Variants in FGF14 observed in about 807,000 individuals in gnomAD.
FGF14 encodes the protein fibroblast growth factor homologous factor 4.
In FGF14, 5 loss-of-function variants were observed where a neutral mutation model predicts 25.5. The observed-to-expected ratio is 0.20, with a 90% confidence interval of 0.10 to 0.41. The LOEUF (loss-of-function observed/expected upper bound fraction) is 0.41. Among genes scored for constraint, FGF14 ranks in the 10% least tolerant of loss-of-function variants. FGF14 has a pLI of 1.00. For missense variants in FGF14, 222 were observed against 320.1 expected (o/e 0.69, Z 2.34); for synonymous variants, 138 against 118.3 (o/e 1.17, Z -1.08).
rs942434139 is a variant in FGF14 at position 101,860,246 on chromosome 13, C to A, written c.408+8479G>T. Among the ~76,000 whole-genome samples, 50 of 152,080 alleles carry A rather than the reference C, an allele frequency of 3.3e-4. 1 individual carries two copies. Among genetic ancestry groups the A allele is most frequent in the Admixed American group, 3.3e-3 (50 of 15,252 alleles). On this transcript the variant is annotated intron_variant, in intron 3 of 4. Transcript: ENST00000376143. ...GTCTCAGCAGAAGTCTTGTCTTTCT[C>A]TATACCATCTTGGTGCTCGAGGAGA...
intron 1 of FGF14, among the ~76,000 whole-genome samples, chr13:101,909,522 C>T (rs1333708227): frequency 6.6e-6 from 1 of 152,118 alleles, no homozygotes; most frequent in African/African-American, 2.4e-5. Context: ...CAGAGAAATG[C>T]AAATCAAAAC....
At chr13:102,203,152 CTTTGT>C (rs2049744914) in intron 1 of FGF14, among the ~76,000 whole-genome samples, 1 of 152,096 alleles carries the variant, frequency 6.6e-6, no homozygotes, top group African/African-American at 2.4e-5. Flanking sequence ...ATGTGTTTTC[CTTTGT>C]TTTGATAGCA....
chr13:102,249,262 G>A (rs747965654), intron 1 of FGF14, among the ~76,000 whole-genome samples: 2 of 152,100 alleles, frequency 1.3e-5, no homozygotes, highest in South Asian at 2.1e-4. Context: ...GGAGACACAC[G>A]GAGCAAGAAC....
At chr13:101,850,929 A>G (rs1280743487) in intron 3 of FGF14, among the ~76,000 whole-genome samples, 1 of 151,868 alleles carries the variant, frequency 6.6e-6, no homozygotes, top group South Asian at 2.1e-4. Context: ...AAGGTGTTAC[A>G]TATCATTTAT....
chr13:101,999,320 GAGACTGGGT>G (rs1436417234), intron 1 of FGF14, among the ~76,000 whole-genome samples: 1 of 152,198 alleles, frequency 6.6e-6, no homozygotes, highest in East Asian at 1.9e-4. Flanking sequence ...GCAATGTGTA[GAGACTGGGT>G]TAAAGACCAG....
intron 1 of FGF14, among the ~76,000 whole-genome samples, chr13:102,015,370 G>T (rs1453842832): frequency 6.6e-6 from 1 of 152,040 alleles, no homozygotes; most frequent in Non-Finnish European, 1.5e-5. Context: ...ATTGTCACAG[G>T]CTCTACACTT....
intron 1 of FGF14, among the ~76,000 whole-genome samples, chr13:102,312,008 T>C (rs910692434): frequency 1.3e-5 from 2 of 152,180 alleles, no homozygotes; most frequent in African/African-American, 4.8e-5. Flanking sequence ...ACATTTTAAT[T>C]TGGGAACCAA....
chr13:101,729,198 T>G (rs1377011892), intron 3 of FGF14, among the ~76,000 whole-genome samples: 2 of 152,124 alleles, frequency 1.3e-5, no homozygotes, highest in African/African-American at 2.4e-5. Flanking sequence ...CTTGTGATAG[T>G]GGAGACTGGT....
At chr13:101,727,514 C>G (rs1204701560) in intron 3 of FGF14, among the ~76,000 whole-genome samples, 1 of 152,092 alleles carries the variant, frequency 6.6e-6, no homozygotes, top group South Asian at 2.1e-4. Flanking sequence ...TTTTGGAAAG[C>G]ATACAGTTTG....
At chr13:101,835,763 C>G (rs1042256162) in intron 3 of FGF14, among the ~76,000 whole-genome samples, 1 of 151,994 alleles carries the variant, frequency 6.6e-6, no homozygotes, top group African/African-American at 2.4e-5. Flanking sequence ...CTACCCACTC[C>G]TGCCATCATG....
intron 1 of FGF14, among the ~76,000 whole-genome samples, chr13:102,177,714 A>G (rs888722440): frequency 1.1e-4 from 16 of 151,982 alleles, no homozygotes; most frequent in Admixed American, 9.8e-4. Flanking sequence ...TCCTGTATTC[A>G]TCCAAAGGGA....
chr13:102,092,055 G>C (rs2044189118), intron 1 of FGF14, among the ~76,000 whole-genome samples: 1 of 152,150 alleles, frequency 6.6e-6, no homozygotes, highest in African/African-American at 2.4e-5. Flanking sequence ...GACTGATGTG[G>C]GGATGACACA....
intron 1 of FGF14, among the ~76,000 whole-genome samples, chr13:102,382,684 G>A (rs2058212028): frequency 6.6e-6 from 1 of 151,998 alleles, no homozygotes; most frequent in Non-Finnish European, 1.5e-5. Flanking sequence ...GTTCATAGCT[G>A]CATTATTTAT....
Position 102,119,487 on chromosome 13 carries a change from C to T in FGF14, c.209-244191G>A, listed in dbSNP as rs951257317. Among the ~76,000 whole-genome samples, 37 of 151,958 alleles carry T rather than the reference C, an allele frequency of 2.4e-4. 1 individual carries two copies. Among genetic ancestry groups the T allele is most frequent in the African/African-American group, 7.0e-4 (29 of 41,348 alleles). On this transcript the variant is annotated intron_variant, in intron 1 of 4. Coordinates refer to the FGF14 transcript ENST00000376131. ...ATCTGAATATGAACAGAATACTAAA[C>T]GAGGCTAAGAAAGTATTTTTTAATA...
At chr13:102,392,587 T>C (rs1197862255) in intron 1 of FGF14, among the ~76,000 whole-genome samples, 1 of 152,136 alleles carries the variant, frequency 6.6e-6, no homozygotes, top group Admixed American at 6.5e-5. Flanking sequence ...GGCCCCTCAA[T>C]ATAAACAGTC....
In FGF14 at chr13:102,280,654, C is replaced by G. The variant is rs75428813; in HGVS notation, c.208+120817G>C. Among the ~76,000 whole-genome samples, 345 of 152,260 alleles carry G rather than the reference C, an allele frequency of 2.3e-3. 3 individuals carry two copies. Among genetic ancestry groups the G allele is most frequent in the African/African-American group, 8.1e-3 (335 of 41,556 alleles). ...TAGTCACTGCAAACCTTCAGTGAAG[C>G]CATTATACACACCAATGCCTTCTTT... On this transcript the variant is annotated intron_variant, in intron 1 of 4. Transcript: ENST00000376131.
chr13:102,074,390 A>G (rs779594971), intron 1 of FGF14, among the ~76,000 whole-genome samples: 1 of 152,070 alleles, frequency 6.6e-6, no homozygotes, highest in South Asian at 2.1e-4. Context: ...CCAACTCCCT[A>G]CCTGGCGAGC....
intron 1 of FGF14, among the ~76,000 whole-genome samples, chr13:102,092,480 G>C (rs752807131): frequency 2.0e-4 from 30 of 152,112 alleles, no homozygotes; most frequent in Non-Finnish European, 3.5e-4. Flanking sequence ...TTTAGTTGAG[G>C]ATAAGTCATC....
rs143219990 is a variant in FGF14, at chr13:102,238,192, A to G, written c.208+163279T>C. Among the ~76,000 whole-genome samples the G allele has an allele frequency of 2.7e-3, 408 of 152,352 alleles. 2 individuals carry two copies. The highest frequency in any genetic ancestry group is 4.7e-3 in the Non-Finnish European group (321 of 68,034). On this transcript the variant is annotated intron_variant, in intron 1 of 4. Coordinates refer to the FGF14 transcript ENST00000376131. ...AAAATATTCTAAAATATATTAAAGA[A>G]AGGATTTAACAAGAATATACAAAGT...
Sources: allele counts gnomAD v4.1 joint callset (sites outside exome capture counted in the v4.1 genomes callset), GRCh38; gene constraint gnomAD v4.1.1; transcripts MANE v1.5; gene names NCBI Gene and HGNC (gene_info 2026-07-23, HGNC 2026-07-21).